Variants in ARHGEF18 observed in about 807,000 individuals in gnomAD.
ARHGEF18 encodes the protein Rho/Rac guanine nucleotide exchange factor 18.
Under a neutral mutation model 155.7 loss-of-function variants are expected in ARHGEF18, and 93 were observed. The ratio of observed to expected loss-of-function variants is 0.60; its 90% CI spans 0.50 to 0.71. The LOEUF is 0.71. Ranked by LOEUF, ARHGEF18 falls within the 30% of genes least tolerant of loss-of-function variation. The probability of loss-of-function intolerance (pLI) is 0.00; values close to 1 mark genes in which losing one functional copy is unlikely to be tolerated. For missense variants in ARHGEF18, 1,593 were observed against 1,816.1 expected, an observed-to-expected ratio of 0.88 and a Z score of 2.23; for synonymous variants, 742 against 753.1, an observed-to-expected ratio of 0.99 and a Z score of 0.24.
chr19:7,382,683 C>T, intron 8 of ARHGEF18, 109 bp from the exon 9 acceptor site: 1 of 656,424 alleles, frequency 1.5e-6, no homozygotes, highest in Non-Finnish European at 2.2e-6. Flanking sequence ...AAGGCAGGAC[C>T]AGGAGGCCAC....
At chr19:7,451,394 G>A (rs1975456522) in intron 16 of ARHGEF18, 128 bp downstream of exon 16, 1 of 694,000 alleles carries the variant, frequency 1.4e-6, no homozygotes, top group Non-Finnish European at 2.3e-6. Flanking sequence ...CTGGGTGCTG[G>A]GGTTCCTTCC....
intron 10 of ARHGEF18, among the ~76,000 whole-genome samples, chr19:7,402,070 G>A (rs923047035): frequency 1.3e-5 from 2 of 152,196 alleles, no homozygotes; most frequent in African/African-American, 4.8e-5. Flanking sequence ...GGGTAGTGGA[G>A]TGGGGAGTAA....
intron 2 of ARHGEF18, among the ~76,000 whole-genome samples, chr19:7,363,760 TGAAA>T (rs1365138119): frequency 2.1e-5 from 3 of 143,574 alleles, no homozygotes; most frequent in African/African-American, 7.8e-5. Context: ...GCTAGATTGA[TGAAA>T]GGAAGGAGGA....
At chr19:7,443,468 T>G (rs911221776) in intron 13 of ARHGEF18, among the ~76,000 whole-genome samples, 6 of 152,168 alleles carry the variant, frequency 3.9e-5, no homozygotes, top group African/African-American at 1.2e-4. Context: ...CCCAGAGTGC[T>G]GGGATTACAG....
intron 10 of ARHGEF18, among the ~76,000 whole-genome samples, chr19:7,436,301 G>A (rs1296211947): frequency 1.3e-5 from 2 of 150,266 alleles, no homozygotes; most frequent in Non-Finnish European, 3.0e-5. Context: ...TTTCAAGACA[G>A]GATCTCACTC....
At chr19:7,455,712 G>A (rs1212267726) in intron 17 of ARHGEF18, among the ~76,000 whole-genome samples, 1 of 152,184 alleles carries the variant, frequency 6.6e-6, no homozygotes, top group Non-Finnish European at 1.5e-5. Context: ...ACCAAAGAAA[G>A]AGGTTTAATG....
chr19:7,416,378 C>T (rs1177809068), intron 10 of ARHGEF18, among the ~76,000 whole-genome samples: 2 of 152,090 alleles, frequency 1.3e-5, no homozygotes, highest in Non-Finnish European at 2.9e-5. Flanking sequence ...CACGCCACTG[C>T]AGTCCAGCCT....
chr19:7,451,115 A>C, intron 15 of ARHGEF18, 34 bp from the exon 16 acceptor site: 1 of 1,568,856 alleles, frequency 6.4e-7, no homozygotes, highest in Non-Finnish European at 8.7e-7. Context: ...CGTTTCTGAG[A>C]TGTTAATACA....
Position 7,451,212 on chromosome 19 carries a change from C to T in ARHGEF18, c.1801C>T (p.Gln601Ter). 6.2e-7 allele frequency: 1 copy of T among 1,613,810 alleles called. No individual in the cohort carries two copies. Among genetic ancestry groups the T allele is most frequent in the Non-Finnish European group, 8.5e-7 (1 of 1,179,972 alleles). ...GCAGGAGTGCATTCTCCTGGTTACA[C>T]AACGCATAACCAAATACCCAGTGCT... ...GVQECILLVTQRITKYPVLVE... is the reference protein window; with the variant it reads ...GVQECILLVT Residue 601 changes from glutamine to a stop codon, truncating the protein, a stop_gained, in exon 16 of 29, where the codon CAA (glutamine) becomes TAA (stop). Transcript: ENST00000668164. LOFTEE classifies it high-confidence loss of function.
At chr19:7,418,283 C>T (rs756849320) in intron 10 of ARHGEF18, among the ~76,000 whole-genome samples, 7 of 151,854 alleles carry the variant, frequency 4.6e-5, no homozygotes, top group East Asian at 1.9e-4. Context: ...TGTTTTAAGG[C>T]GGGATCTCAC....
At chr19:7,383,872 C>T (rs1348212845) in intron 10 of ARHGEF18, among the ~76,000 whole-genome samples, 2 of 151,920 alleles carry the variant, frequency 1.3e-5, no homozygotes, top group African/African-American at 4.8e-5. Context: ...CATAGCAGGT[C>T]GTTTTCTGCT....
chr19:7,467,175 A>C (rs748471650), intron 25 of ARHGEF18, 39 bp from the exon 26 acceptor site: 1 of 1,577,780 alleles, frequency 6.3e-7, no homozygotes, highest in Non-Finnish European at 8.6e-7. Context: ...GCTGGGGCGC[A>C]GGTGCGGCTC....
rs1600550935 is a variant in ARHGEF18, at chr19:7,467,591, C to G, written c.3387C>G (p.Ala1129=). Residue 1129 remains alanine, a synonymous_variant, in exon 26 of 29, where the codon GCC becomes GCG. Transcript: ENST00000668164. ...AGCGGCTGCGCGAGGCCCAGCGTGC[C>G]GTGGAGCGCGAGCGGGAGCGCCTGG... ...DLERLREAQR[A]VERERERLEL... 2.7e-6 allele frequency: 4 copies of G among 1,506,016 alleles called. No individual in the cohort carries two copies. Among genetic ancestry groups the G allele is most frequent in the African/African-American group, 1.4e-5 (1 of 70,078 alleles). 93.3% of individuals were successfully genotyped at this position (1,506,016 alleles called of 1,614,324 possible). A position where few individuals can be genotyped will look rare whatever the true frequency, so the allele number is the denominator to read the frequency against.
chr19:7,371,559 G>A (rs546048618), intron 2 of ARHGEF18, among the ~76,000 whole-genome samples: 1 of 152,228 alleles, frequency 6.6e-6, no homozygotes, highest in East Asian at 1.9e-4. Flanking sequence ...GGTGGCACAT[G>A]TCTGTAGCCC....
At chr19:7,468,418 A>G (rs1976800301) in intron 26 of ARHGEF18, among the ~76,000 whole-genome samples, 1 of 152,072 alleles carries the variant, frequency 6.6e-6, no homozygotes, top group Non-Finnish European at 1.5e-5. Context: ...GTGGTGGCAC[A>G]TACCTGTAAT....
intron 10 of ARHGEF18, among the ~76,000 whole-genome samples, chr19:7,397,925 A>G (rs943179532): frequency 1.3e-5 from 2 of 152,206 alleles, no homozygotes; most frequent in South Asian, 2.1e-4. Flanking sequence ...TATCATGTGC[A>G]ACGTGACATA....
chr19:7,423,077 GTCA>G (rs1195474667), intron 10 of ARHGEF18, among the ~76,000 whole-genome samples: 2 of 152,084 alleles, frequency 1.3e-5, no homozygotes, highest in African/African-American at 4.8e-5. Context: ...TGGCTCATGG[GTCA>G]TCAGTGACTG....
intron 10 of ARHGEF18, among the ~76,000 whole-genome samples, chr19:7,431,255 C>T (rs1460439932): frequency 2.0e-5 from 3 of 151,370 alleles, no homozygotes; most frequent in Non-Finnish European, 2.9e-5. Flanking sequence ...GGTGGCTCAC[C>T]CCTGTAATCC....
At chr19:7,349,457 G>C (rs1183891747) in intron 1 of ARHGEF18, among the ~76,000 whole-genome samples, 1 of 152,090 alleles carries the variant, frequency 6.6e-6, no homozygotes, top group Non-Finnish European at 1.5e-5. Flanking sequence ...CAGGGGACGG[G>C]GATCCTTGAG....
Sources: gnomAD v4.1 joint callset for allele counts (sites outside exome capture counted in the v4.1 genomes callset) on GRCh38, gnomAD v4.1.1 for gene constraint, MANE v1.5 for transcripts, NCBI Gene and HGNC (gene_info 2026-07-23, HGNC 2026-07-21) for gene names.